COX7B2: variants seen among roughly 807,000 people sequenced by gnomAD.
COX7B2 encodes cytochrome c oxidase subunit 7B2, mitochondrial.
For synonymous variants in COX7B2, 37 were observed against 32.1 expected (o/e 1.15, Z -0.51); for missense variants, 109 against 95.9 (o/e 1.14, Z -0.57).
At chr4:46,806,645 A>G (rs893689288) in intron 2 of COX7B2, among the ~76,000 whole-genome samples, 7 of 152,062 alleles carry the variant, frequency 4.6e-5, no homozygotes, top group African/African-American at 1.7e-4. Flanking sequence ...TTCATCATAC[A>G]TATCTACCAC....
chr4:46,770,251 T>C (rs1174319120), intron 2 of COX7B2, among the ~76,000 whole-genome samples: 1 of 151,968 alleles, frequency 6.6e-6, no homozygotes, highest in Non-Finnish European at 1.5e-5. Context: ...AACAATAGCA[T>C]CAAAAATAAA....
intron 2 of COX7B2, among the ~76,000 whole-genome samples, chr4:46,749,012 G>C (rs1346308095): frequency 6.6e-6 from 1 of 152,096 alleles, no homozygotes; most frequent in Non-Finnish European, 1.5e-5. Context: ...ATAGCTCAAA[G>C]TGTCTGCAAA....
At chr4:46,760,205 G>A (rs1048484773) in intron 2 of COX7B2, among the ~76,000 whole-genome samples, 2 of 151,992 alleles carry the variant, frequency 1.3e-5, no homozygotes, top group African/African-American at 4.8e-5. Context: ...TTCCATTAGT[G>A]GATATATACC....
At chr4:46,809,382 T>G (rs1391546409) in intron 2 of COX7B2, among the ~76,000 whole-genome samples, 5 of 151,856 alleles carry the variant, frequency 3.3e-5, no homozygotes. Flanking sequence ...TTCTGAGATA[T>G]TTCTTCTTTT....
At chr4:46,756,622 C>A (rs1436021042) in intron 2 of COX7B2, among the ~76,000 whole-genome samples, 1 of 151,768 alleles carries the variant, frequency 6.6e-6, no homozygotes, top group East Asian at 1.9e-4. Flanking sequence ...AAAGAAATAG[C>A]CCTATTACAA....
chr4:46,828,696 T>C (rs1714856579), intron 2 of COX7B2, among the ~76,000 whole-genome samples: 1 of 152,096 alleles, frequency 6.6e-6, no homozygotes, highest in Non-Finnish European at 1.5e-5. Context: ...GCGATAAAAC[T>C]ATTAAATAGA....
intron 2 of COX7B2, among the ~76,000 whole-genome samples, chr4:46,765,096 T>C (rs1716446460): frequency 6.6e-6 from 1 of 151,808 alleles, no homozygotes; most frequent in Non-Finnish European, 1.5e-5. Flanking sequence ...GATGGCAGAA[T>C]GGAAGCTGCC....
At chr4:46,890,544 G>A (rs1719367939) in intron 1 of COX7B2, among the ~76,000 whole-genome samples, 1 of 152,062 alleles carries the variant, frequency 6.6e-6, no homozygotes, top group African/African-American at 2.4e-5. Context: ...CAGGATGTAG[G>A]CAACAAAAAT....
chr4:46,896,953 G>T (rs1256225822), intron 1 of COX7B2, among the ~76,000 whole-genome samples: 1 of 152,234 alleles, frequency 6.6e-6, no homozygotes, highest in African/African-American at 2.4e-5. Flanking sequence ...GTGTGAAGAA[G>T]ATAGGGAAAA....
rs568967060 is a variant in COX7B2 at position 46,840,894 on chromosome 4, G to T, written c.-50+4066C>A. 4.6e-5 allele frequency among the ~76,000 whole-genome samples: 7 copies of T among 152,016 alleles called. No individual in the cohort carries two copies. In the East Asian group the frequency reaches 1.4e-3, roughly 29 times the overall value. On this transcript the variant is annotated intron_variant, in intron 2 of 2. Transcript: ENST00000355591. ...ACAGTAAAAAATAAAAGTAGAGCTG[G>T]GTTTTGAAACAAAAATAAAAGGACT...
In COX7B2 at chr4:46,869,151, T is replaced by C. The variant is rs527948775; in HGVS notation, c.-104-24137A>G. ...GCCTTTCTTTGTCTTTTTTGATCTT[T>C]GTTGGTTTGAAATTGTTTTATCTGA... On this transcript the variant is annotated intron_variant, in intron 1 of 2. Transcript: ENST00000355591. 2.0e-5 allele frequency among the ~76,000 whole-genome samples: 3 copies of C among 152,328 alleles called. No homozygotes were observed. In the South Asian group the frequency reaches 6.2e-4, roughly 32 times the overall value.
At chr4:46,831,739 A>G (rs1257638855) in intron 2 of COX7B2, among the ~76,000 whole-genome samples, 2 of 152,058 alleles carry the variant, frequency 1.3e-5, no homozygotes, top group Non-Finnish European at 1.5e-5. Context: ...AGCACTCTGC[A>G]TCTATCTCAA....
chr4:46,890,538 A>T (rs1396113599), intron 1 of COX7B2, among the ~76,000 whole-genome samples: 1 of 152,214 alleles, frequency 6.6e-6, no homozygotes, highest in Non-Finnish European at 1.5e-5. Context: ...TTTTATCAGG[A>T]TGTAGGCAAC....
chr4:46,801,508 A>T (rs2109624466), intron 2 of COX7B2, among the ~76,000 whole-genome samples: 1 of 152,272 alleles, frequency 6.6e-6, no homozygotes, highest in East Asian at 1.9e-4. Context: ...GTTCCTACTT[A>T]TAAGTGAGAA....
rs1445756680 is a variant in COX7B2, at chr4:46,791,639, TA to T, written c.-50+53320del. On this transcript the variant is annotated intron_variant, in intron 2 of 2. Transcript: ENST00000355591. ...AACACTCAACTAAACGGCTGGCACC[TA>T]AATCCAAATTGTCCATTTCCTTCCA... Among the ~76,000 whole-genome samples, 17 of 152,214 alleles carry T rather than the reference TA, an allele frequency of 1.1e-4. 1 individual carries two copies. The highest frequency in any genetic ancestry group is 1.1e-3 in the Admixed American group (17 of 15,280).
intron 1 of COX7B2, among the ~76,000 whole-genome samples, chr4:46,846,296 T>C (rs542881357): frequency 3.9e-5 from 6 of 151,958 alleles, no homozygotes; most frequent in African/African-American, 7.2e-5. Flanking sequence ...TGTGTCCTCA[T>C]GAAACTCACA....
At chr4:46,894,870 A>G (rs138235719) in intron 1 of COX7B2, among the ~76,000 whole-genome samples, 328 of 152,350 alleles carry the variant, frequency 2.2e-3, no homozygotes, top group African/African-American at 7.1e-3. Context: ...TCCAAGAAGT[A>G]TGTGAAAGAA....
intron 1 of COX7B2, among the ~76,000 whole-genome samples, chr4:46,861,907 C>G (rs780181548): frequency 1.3e-5 from 2 of 152,170 alleles, no homozygotes; most frequent in Non-Finnish European, 2.9e-5. Context: ...GGGTTCCACC[C>G]CAAGGTCATG....
intron 2 of COX7B2, among the ~76,000 whole-genome samples, chr4:46,793,634 G>T (rs979250432): frequency 1.3e-5 from 2 of 152,166 alleles, no homozygotes; most frequent in African/African-American, 2.4e-5. Context: ...ATGACCAGAG[G>T]TATCTATGTG....
Sources: allele counts gnomAD v4.1 joint callset (sites outside exome capture counted in the v4.1 genomes callset), GRCh38; gene constraint gnomAD v4.1.1; transcripts MANE v1.5; gene names NCBI Gene and HGNC (gene_info 2026-07-23, HGNC 2026-07-21).